EPG5: variants seen among roughly 807,000 people sequenced by gnomAD.
EPG5 encodes ectopic P granules protein 5 homolog.
A neutral mutation model predicts 302.7 loss-of-function variants in EPG5; 159 were observed. The ratio of observed to expected loss-of-function variants is 0.53; its 90% CI spans 0.46 to 0.60. EPG5 has a LOEUF of 0.60. Ranked by LOEUF, EPG5 falls within the 20% of genes least tolerant of loss-of-function variation. The pLI is 0.00. For synonymous variants in EPG5, 1,158 were observed against 1,136.8 expected, an observed-to-expected ratio of 1.02 and a Z score of -0.37; for missense variants, 2,896 against 3,092.4, an observed-to-expected ratio of 0.94 and a Z score of 1.51.
At chr18:45,811,179 A>G in the EPG5 span, among the ~76,000 whole-genome samples, 1 of 152,182 alleles carries the variant, frequency 6.6e-6, no homozygotes, top group East Asian at 1.9e-4. Context: ...GTCAGACAAG[A>G]GAAAGAAATA....
chr18:45,901,625 G>A lies in EPG5; in HGVS notation c.4475-458C>T, dbSNP rs145003763. Among the ~76,000 whole-genome samples the A allele has an allele frequency of 2.6e-5, 4 of 152,270 alleles. No homozygotes were observed. In the East Asian group the frequency reaches 5.8e-4, roughly 22 times the overall value. On this transcript the variant is annotated intron_variant, in intron 25 of 43. Transcript: ENST00000282041. Reference sequence around the variant, plus strand: ...AGGTCAAGGTTTGAACAGGAGGACTGGATGCAGTAAGAGATAAAATGAATG... The same window carrying A: ...AGGTCAAGGTTTGAACAGGAGGACTAGATGCAGTAAGAGATAAAATGAATG...
intron 12 of EPG5, 29 bp from the exon 13 acceptor site, chr18:45,929,038 G>A (rs1366228926): frequency 1.3e-6 from 2 of 1,597,362 alleles, no homozygotes; most frequent in East Asian, 4.5e-5. Flanking sequence ...GAAGAAGATG[G>A]CACTTTTAAT....
intron 9 of EPG5, 75 bp from the exon 10 acceptor site, chr18:45,939,830 T>G: frequency 7.3e-7 from 1 of 1,365,738 alleles, no homozygotes; most frequent in Non-Finnish European, 1.0e-6. Flanking sequence ...TTTCCAACAT[T>G]CATTTATTCA....
At chr18:45,819,765 C>T in the EPG5 span, among the ~76,000 whole-genome samples, 3 of 152,104 alleles carry the variant, frequency 2.0e-5, no homozygotes, top group Non-Finnish European at 4.4e-5. Context: ...CTTGAACTCA[C>T]GTTGTTTTTT....
Position 45,910,850 on chromosome 18 carries a change from T to C in EPG5, c.3984-108A>G, listed in dbSNP as rs1599552693. ...AGGCAATTTACTGTGATTGTGGATA[T>C]ACACCATTAAATTAACACCTATTAT... On this transcript the variant is annotated intron_variant, in intron 22 of 43. Transcript: ENST00000282041. 9 of 770,640 alleles carry C rather than the reference T, an allele frequency of 1.2e-5. No individual in the cohort carries two copies. The South Asian group carries it at 1.3e-4, about 11-fold the overall frequency. The allele number at this position is 770,640 out of a possible 1,614,324, so 47.7% of individuals were successfully genotyped here. A position where few individuals can be genotyped will look rare whatever the true frequency, so the allele number is the denominator to read the frequency against.
At chr18:45,932,054 T>C (rs1036013040) in intron 11 of EPG5, among the ~76,000 whole-genome samples, 4 of 152,126 alleles carry the variant, frequency 2.6e-5, no homozygotes, top group African/African-American at 9.6e-5. Flanking sequence ...ATTGGATTTA[T>C]AGTGGAAATT....
intron 35 of EPG5, among the ~76,000 whole-genome samples, chr18:45,873,557 A>C (rs560250797): frequency 6.6e-6 from 1 of 152,252 alleles, no homozygotes; most frequent in African/African-American, 2.4e-5. Context: ...TTATGATTAT[A>C]ATTTGGTGCT....
chr18:45,916,159 A>G lies in EPG5; in HGVS notation c.3432T>C (p.Ala1144=), dbSNP rs1399336157. ...GAGCCTGAACCCAGAACTCCAACAC[A>G]GCAACGGGGCCCACTTCATTGGGCT... The part of the protein sequence containing the change: ...STQPNEVGPV[A]VLEFWVQALI... Residue 1144 remains alanine (A), a synonymous_variant, in exon 19 of 44, where the codon GCT becomes GCC. Transcript: ENST00000282041. 2 of 1,614,096 alleles carry G rather than the reference A, an allele frequency of 1.2e-6. No homozygotes were observed. Among genetic ancestry groups the G allele is most frequent in the South Asian group, 2.2e-5 (2 of 91,074 alleles).
At chr18:45,908,393 A>G (rs2049811613) in intron 23 of EPG5, among the ~76,000 whole-genome samples, 1 of 152,238 alleles carries the variant, frequency 6.6e-6, no homozygotes, top group African/African-American at 2.4e-5. Flanking sequence ...GATTTTTACC[A>G]CAGACCTGGG....
chr18:45,907,194 T>G (rs976604624), intron 24 of EPG5: 1 of 152,176 alleles, frequency 6.6e-6, no homozygotes, highest in African/African-American at 2.4e-5. Flanking sequence ...GATGTGAAAG[T>G]AGGAGGGTTT....
chr18:45,877,479 C>T (rs941547691), intron 34 of EPG5, among the ~76,000 whole-genome samples: 3 of 152,048 alleles, frequency 2.0e-5, no homozygotes, highest in South Asian at 4.1e-4. Context: ...CAAATAGGTT[C>T]CGTTAATTCT....
intron 23 of EPG5, among the ~76,000 whole-genome samples, chr18:45,909,113 T>C (rs1182117959): frequency 6.6e-6 from 1 of 152,168 alleles, no homozygotes; most frequent in Non-Finnish European, 1.5e-5. Context: ...CTGACTTTAC[T>C]CAATAAAGTG....
chr18:45,950,252 T>C (rs1001777491), intron 4 of EPG5, among the ~76,000 whole-genome samples: 2 of 152,204 alleles, frequency 1.3e-5, no homozygotes, highest in African/African-American at 4.8e-5. Flanking sequence ...TAAGATATCT[T>C]GGTGATATGG....
downstream of EPG5, among the ~76,000 whole-genome samples, chr18:45,844,732 C>T (rs913432910): frequency 9.9e-5 from 15 of 152,162 alleles, no homozygotes; most frequent in African/African-American, 3.6e-4. Flanking sequence ...ATCCAGGAGC[C>T]TGTCTGAGCT....
chr18:45,951,080 G>T, intron 4 of EPG5, 22 bp downstream of exon 4: 2 of 1,503,244 alleles, frequency 1.3e-6, no homozygotes, highest in Middle Eastern at 1.8e-4. Context: ...AAAGACTACT[G>T]TGTCTATCTC....
In EPG5 at chr18:45,878,430, G is replaced by C. The variant is rs1367726599; in HGVS notation, c.5888C>G (p.Ser1963Ter). The C allele has an allele frequency of 6.2e-7, 1 of 1,611,718 alleles. No homozygotes were observed. The highest frequency in any genetic ancestry group is 1.3e-5 in the African/African-American group (1 of 75,004). ...SRKTVLKSLH[S>*]VIIQLFKPWI... The stretch of plus-strand genomic sequence containing the variant: ...TGGCTTAAAGAGCTGAATGATTACT[G>C]AATGTAGGGATTTCAGCACTAAAAA... Residue 1963 changes from serine to a stop codon, truncating the protein, a stop_gained, in exon 34 of 44, where the codon TCA (serine) becomes TGA (stop). Coordinates refer to ENST00000282041, the MANE Select transcript of EPG5 (RefSeq NM_020964.3). LOFTEE classifies it high-confidence loss of function.
In EPG5 at chr18:45,880,180, A is replaced by G. The variant is rs2049065864; in HGVS notation, c.5562T>C (p.Thr1854=). Residue 1854 remains threonine (T), a synonymous_variant, in exon 32 of 44, where the codon ACT becomes ACC. Coordinates refer to ENST00000282041, the MANE Select transcript of EPG5 (RefSeq NM_020964.3). ...QLLSPECWKA[T]LRALGCCAPS... is the part of the protein sequence containing the mutation. Reference sequence around the variant, plus strand: ...GGGCGCAGCAGCCCAGGGCTCTCAGAGTGGCCTTCCAACACTCGGGGCTCA... The same window carrying G: ...GGGCGCAGCAGCCCAGGGCTCTCAGGGTGGCCTTCCAACACTCGGGGCTCA... 6.2e-6 allele frequency: 10 copies of G among 1,610,642 alleles called. No homozygotes were observed. The highest frequency in any genetic ancestry group is 8.5e-6 in the Non-Finnish European group (10 of 1,178,080).
the EPG5 span, among the ~76,000 whole-genome samples, chr18:45,811,539 C>A: frequency 1.3e-5 from 2 of 152,154 alleles, no homozygotes; most frequent in Admixed American, 1.3e-4. Flanking sequence ...CAAACCGAAT[C>A]CAGCAGCACA....
At chr18:45,901,958 A>G (rs1488391493) in intron 25 of EPG5, among the ~76,000 whole-genome samples, 1 of 152,180 alleles carries the variant, frequency 6.6e-6, no homozygotes, top group African/African-American at 2.4e-5. Flanking sequence ...TCACCACACT[A>G]TACACATACC....
Sources: allele counts gnomAD v4.1 joint callset (sites outside exome capture counted in the v4.1 genomes callset), GRCh38; gene constraint gnomAD v4.1.1; transcripts MANE v1.5; gene names NCBI Gene and HGNC (gene_info 2026-07-23, HGNC 2026-07-21).